Variants in ST6GALNAC3 observed in about 807,000 individuals in gnomAD.
The protein encoded by ST6GALNAC3 is ST6 N-acetylgalactosaminide alpha-2,6-sialyltransferase 3, also known as alpha-N-acetylgalactosaminide alpha-2,6-sialyltransferase 3.
In ST6GALNAC3, 25 loss-of-function variants were observed where a neutral mutation model predicts 32.7. The observed-to-expected ratio is 0.76, with a 90% CI of 0.56 to 1.07. The LOEUF (loss-of-function observed/expected upper bound fraction) is 1.07. Among genes scored for constraint, ST6GALNAC3 ranks in the 50% least tolerant of loss-of-function variants. ST6GALNAC3 has a pLI of 0.00. For missense variants in ST6GALNAC3, 355 were observed against 382.4 expected (o/e 0.93, Z 0.60); for synonymous variants, 129 against 133.1 (o/e 0.97, Z 0.21).
At chr1:76,565,190 A>T (rs541063520) in intron 3 of ST6GALNAC3, among the ~76,000 whole-genome samples, 1 of 152,144 alleles carries the variant, frequency 6.6e-6, no homozygotes, top group Non-Finnish European at 1.5e-5. Context: ...TATGCTGACA[A>T]CAACTGAGGA....
intron 1 of ST6GALNAC3, among the ~76,000 whole-genome samples, chr1:76,262,843 C>T (rs1658318463): frequency 6.6e-6 from 1 of 152,156 alleles, no homozygotes; most frequent in Non-Finnish European, 1.5e-5. Context: ...ACGTTCAAAA[C>T]TATGGTGAGC....
At chr1:76,275,838 T>G (rs1049178639) in intron 1 of ST6GALNAC3, among the ~76,000 whole-genome samples, 1 of 152,252 alleles carries the variant, frequency 6.6e-6, no homozygotes, top group Non-Finnish European at 1.5e-5. Flanking sequence ...GAGCATTTAC[T>G]GTCTTGTATA....
intron 2 of ST6GALNAC3, among the ~76,000 whole-genome samples, chr1:76,341,605 T>TTTC: frequency 1.1e-5 from 1 of 91,264 alleles, no homozygotes; most frequent in South Asian, 4.3e-4. Flanking sequence ...TCCAAACTGC[T>TTTC]TTTCTTTCTT....
chr1:76,258,584 C>A (rs959012750), intron 1 of ST6GALNAC3, among the ~76,000 whole-genome samples: 5 of 152,096 alleles, frequency 3.3e-5, no homozygotes, highest in African/African-American at 1.2e-4. Flanking sequence ...TCTAGAATGT[C>A]AACTTTCAGA....
intron 1 of ST6GALNAC3, chr1:76,305,998 A>G (rs1661028504): frequency 2.0e-6 from 1 of 490,172 alleles, no homozygotes; most frequent in South Asian, 1.5e-5. Context: ...ACTGGTTCAG[A>G]AATTTTAAAA....
intron 1 of ST6GALNAC3, among the ~76,000 whole-genome samples, chr1:76,175,605 A>G (rs1444434442): frequency 6.6e-6 from 1 of 151,858 alleles, no homozygotes; most frequent in Non-Finnish European, 1.5e-5. Context: ...CAAGGATGTC[A>G]TACTTTTTAG....
At chr1:76,592,571 CAG>C (rs145434592) in intron 3 of ST6GALNAC3, among the ~76,000 whole-genome samples, 29,913 of 151,870 alleles carry the variant, frequency 0.2, 3,042 homozygotes, top group Middle Eastern at 0.26. Flanking sequence ...CAGGAGAAAA[CAG>C]AGAAGAGAAG....
At chr1:76,136,985 C>T (rs1176698169) in intron 1 of ST6GALNAC3, among the ~76,000 whole-genome samples, 1 of 152,184 alleles carries the variant, frequency 6.6e-6, no homozygotes, top group African/African-American at 2.4e-5. Flanking sequence ...GAAGTTGATA[C>T]TTTTGTCTCA....
chr1:76,280,980 C>T (rs992648777), intron 1 of ST6GALNAC3, among the ~76,000 whole-genome samples: 8 of 152,196 alleles, frequency 5.3e-5, no homozygotes, highest in Non-Finnish European at 8.8e-5. Context: ...TTATGCCATG[C>T]ACTGTTCTAA....
intron 1 of ST6GALNAC3, among the ~76,000 whole-genome samples, chr1:76,203,533 G>T (rs1486831769): frequency 6.6e-6 from 1 of 150,450 alleles, no homozygotes; most frequent in Non-Finnish European, 1.5e-5. Flanking sequence ...TATTTTTTTT[G>T]GAAAATTACA....
At chr1:76,341,641 CTTTCTTTCT>C (rs1299583124) in intron 2 of ST6GALNAC3, among the ~76,000 whole-genome samples, 3 of 139,438 alleles carry the variant, frequency 2.2e-5, no homozygotes, top group African/African-American at 8.5e-5. Context: ...TTCTTTCTTT[CTTTCTTTCT>C]TTCTTTCTTT....
intron 3 of ST6GALNAC3, among the ~76,000 whole-genome samples, chr1:76,550,175 A>G (rs1664538675): frequency 6.6e-6 from 1 of 152,220 alleles, no homozygotes; most frequent in Admixed American, 6.5e-5. Context: ...CAATTTTAAT[A>G]TCATACAATT....
At chr1:76,152,711 A>G (rs1014514117) in intron 1 of ST6GALNAC3, among the ~76,000 whole-genome samples, 2 of 152,206 alleles carry the variant, frequency 1.3e-5, no homozygotes, top group Non-Finnish European at 2.9e-5. Context: ...GTGCTGGTGT[A>G]TGACTCTGAA....
intron 1 of ST6GALNAC3, among the ~76,000 whole-genome samples, chr1:76,208,969 CCTT>C (rs1326830969): frequency 6.6e-6 from 1 of 152,116 alleles, no homozygotes; most frequent in East Asian, 1.9e-4. Context: ...TCCCCAGAAA[CCTT>C]CTAATCTTCA....
chr1:76,415,026 A>G (rs553092292), intron 3 of ST6GALNAC3, among the ~76,000 whole-genome samples: 37 of 151,778 alleles, frequency 2.4e-4, no homozygotes, highest in Non-Finnish European at 3.7e-4. Flanking sequence ...TCTCTCTTCT[A>G]TCTCCCTCCC....
chr1:76,529,805 T>C (rs190855670), intron 3 of ST6GALNAC3, among the ~76,000 whole-genome samples: 1 of 152,328 alleles, frequency 6.6e-6, no homozygotes, highest in Non-Finnish European at 1.5e-5. Flanking sequence ...ACTAGTTCTG[T>C]GACTTTGGGC....
rs145131783 is a variant in ST6GALNAC3, at chr1:76,564,365, T to C, written c.624-63087T>C. 2.0e-3 allele frequency among the ~76,000 whole-genome samples: 303 copies of C among 152,286 alleles called. 4 individuals are homozygous for C. Among genetic ancestry groups the C allele is most frequent in the African/African-American group, 6.6e-3 (276 of 41,548 alleles). On this transcript the variant is annotated intron_variant, in intron 3 of 4. Transcript: ENST00000328299. ...TAATTTTATTTTTTCTTAAAGATTC[T>C]CACTTCCTTCAGTAATATAGGCCAC...
intron 1 of ST6GALNAC3, chr1:76,142,920 CG>C: frequency 2.2e-6 from 1 of 449,044 alleles, no homozygotes; most frequent in Non-Finnish European, 4.5e-6. Flanking sequence ...CTGGGCACAC[CG>C]TATCTTTTAT....
chr1:76,200,792 A>G (rs1238274461), intron 1 of ST6GALNAC3, among the ~76,000 whole-genome samples: 2 of 152,170 alleles, frequency 1.3e-5, no homozygotes, highest in African/African-American at 4.8e-5. Context: ...TTCCAGGTCT[A>G]GGAATCCAGG....
Sources: allele counts gnomAD v4.1 joint callset (sites outside exome capture counted in the v4.1 genomes callset), GRCh38; gene constraint gnomAD v4.1.1; transcripts MANE v1.5; gene names NCBI Gene and HGNC (gene_info 2026-07-23, HGNC 2026-07-21).